Variants in CCDC170 observed in about 807,000 individuals in gnomAD.
The protein encoded by CCDC170 is coiled-coil domain-containing protein 170.
Under a neutral mutation model 72.6 loss-of-function variants are expected in CCDC170, and 69 were observed. The observed-to-expected ratio is 0.95, with a 90% CI of 0.78 to 1.16. The LOEUF (loss-of-function observed/expected upper bound fraction) is 1.16, where lower values mean the gene tolerates loss of function less well. Among genes scored for constraint, CCDC170 ranks in the 50% most tolerant of loss-of-function variants. The pLI is 0.00. For missense variants in CCDC170, 852 were observed against 832.5 expected (o/e 1.02, Z -0.29); for synonymous variants, 300 against 303.9 (o/e 0.99, Z 0.13).
chr6:151,504,883 C>T (rs1782044148), intron 1 of CCDC170, among the ~76,000 whole-genome samples: 2 of 151,380 alleles, frequency 1.3e-5, no homozygotes. Context: ...CAGAACCCAG[C>T]AAATATCAAG....
intron 8 of CCDC170, 76 bp from the exon 9 acceptor site, chr6:151,596,259 A>G (rs190078705): frequency 1.2e-4 from 170 of 1,443,572 alleles, no homozygotes; most frequent in Admixed American, 6.8e-4. Context: ...ATAGAGATCA[A>G]CATTATCTGG....
chr6:151,592,332 C>T (rs1776553955), intron 7 of CCDC170, among the ~76,000 whole-genome samples: 1 of 151,998 alleles, frequency 6.6e-6, no homozygotes. Flanking sequence ...TGTACTCCAG[C>T]CTGGGTGACA....
chr6:151,615,344 G>A, intron 9 of CCDC170, 99 bp from the exon 10 acceptor site: 2 of 824,086 alleles, frequency 2.4e-6, no homozygotes, highest in South Asian at 1.6e-5. Context: ...TTCATAAAAA[G>A]GGTATGAAGT....
intron 5 of CCDC170, among the ~76,000 whole-genome samples, chr6:151,557,042 G>A (rs1489243302): frequency 6.6e-6 from 1 of 152,012 alleles, no homozygotes; most frequent in Non-Finnish European, 1.5e-5. Flanking sequence ...TTCCATCCAT[G>A]TTCCTGCAAA....
chr6:151,572,984 C>G (rs1776245624), intron 5 of CCDC170, among the ~76,000 whole-genome samples, 190 bp from the exon 6 acceptor site: 1 of 151,972 alleles, frequency 6.6e-6, no homozygotes, highest in South Asian at 2.1e-4. Flanking sequence ...CTAAATTTTC[C>G]TGACATACCA....
intron 7 of CCDC170, among the ~76,000 whole-genome samples, chr6:151,590,453 T>C (rs1490002990): frequency 1.3e-5 from 2 of 152,224 alleles, no homozygotes; most frequent in Admixed American, 6.5e-5. Context: ...AAGCTAACTC[T>C]GTCCGTCGTG....
rs1322447460 is a variant in CCDC170 at position 151,618,665 on chromosome 6, A to G, written c.*518A>G. ...AATCTGTTTCTCCTGAATCTCTGTG[A>G]TGCTGGTGGGAATTGTTTGCATAGA... On this transcript the variant is annotated 3_prime_UTR_variant, in exon 11 of 11. Coordinates refer to ENST00000239374, the MANE Select transcript of CCDC170 (RefSeq NM_025059.4). 1 of 159,040 alleles carries G rather than the reference A, an allele frequency of 6.3e-6. No individual in the cohort carries two copies. The highest frequency in any genetic ancestry group is 1.9e-4 in the East Asian group (1 of 5,394). The allele number at this position is 159,040 out of a possible 1,614,324, so 9.9% of individuals were successfully genotyped here. A position where few individuals can be genotyped will look rare whatever the true frequency, so the allele number is the denominator to read the frequency against.
At chr6:151,575,525 C>CTTTTTTTTTTTTTTTTT (rs869185539) in intron 6 of CCDC170, among the ~76,000 whole-genome samples, 12 of 79,664 alleles carry the variant, frequency 1.5e-4, no homozygotes, top group South Asian at 6.0e-4. Flanking sequence ...TCTTTTCTTT[C>CTTTTTTTTTTTTTTTTT]TTTTTTTTTT....
At chr6:151,561,613 T>G (rs1310154905) in intron 5 of CCDC170, among the ~76,000 whole-genome samples, 1 of 152,136 alleles carries the variant, frequency 6.6e-6, no homozygotes, top group Admixed American at 6.5e-5. Flanking sequence ...CTCTAGGTAA[T>G]TTGGCCCTTT....
intron 1 of CCDC170, among the ~76,000 whole-genome samples, chr6:151,524,956 G>A (rs1167820281): frequency 5.5e-5 from 7 of 127,148 alleles, no homozygotes; most frequent in South Asian, 2.4e-4. Flanking sequence ...TTTTTGAGAC[G>A]GAGTCTCACT....
chr6:151,512,055 G>A (rs1327048792), intron 1 of CCDC170, among the ~76,000 whole-genome samples: 2 of 152,000 alleles, frequency 1.3e-5, no homozygotes, highest in African/African-American at 2.4e-5. Context: ...ATGTTGCCCA[G>A]GCTAGTCTCA....
At chr6:151,538,011 GTT>G (rs35795489) in intron 2 of CCDC170, 32 bp from the exon 3 acceptor site, 2,100 of 1,365,752 alleles carry the variant, frequency 1.5e-3, no homozygotes, top group African/African-American at 4.5e-3. Flanking sequence ...TGTTGTTAAG[GTT>G]TTTTTTTTTT....
chr6:151,532,401 G>A (rs1782503109), intron 1 of CCDC170, among the ~76,000 whole-genome samples: 1 of 152,148 alleles, frequency 6.6e-6, no homozygotes, highest in South Asian at 2.1e-4. Context: ...GAGGTCAGGA[G>A]TTCGAGACCA....
At chr6:151,585,426 C>G (rs1270305581) in intron 6 of CCDC170, among the ~76,000 whole-genome samples, 1 of 152,214 alleles carries the variant, frequency 6.6e-6, no homozygotes, top group Non-Finnish European at 1.5e-5. Context: ...AAGCATATAT[C>G]TGTACATGAA....
At chr6:151,616,921 C>T (rs1008687953) in intron 10 of CCDC170, among the ~76,000 whole-genome samples, 1 of 152,190 alleles carries the variant, frequency 6.6e-6, no homozygotes, top group African/African-American at 2.4e-5. Flanking sequence ...AAGGCCCCAC[C>T]TCCTAATAGC....
chr6:151,554,747 A>G (rs1341156353), intron 5 of CCDC170, among the ~76,000 whole-genome samples: 7 of 152,070 alleles, frequency 4.6e-5, no homozygotes, highest in African/African-American at 1.7e-4. Context: ...AGCAAGACAG[A>G]GAGACACTGC....
In CCDC170 at chr6:151,596,367, A is replaced by G. The variant is rs747684561; in HGVS notation, c.1500A>G (p.Lys500=). ...LKTQKERLES[K]ELHMSLLRQK... Reference sequence around the variant, plus strand: ...CACAGAAAGAGAGACTGGAGAGCAAAGAATTACACATGAGCCTCCTCCGGC... The same window carrying G: ...CACAGAAAGAGAGACTGGAGAGCAAGGAATTACACATGAGCCTCCTCCGGC... Residue 500 remains lysine, a synonymous_variant, in exon 9 of 11, where the codon AAA becomes AAG. Transcript: ENST00000239374. 3 of 1,613,966 alleles carry G rather than the reference A, an allele frequency of 1.9e-6. No homozygotes were observed. In the East Asian group the frequency reaches 6.7e-5, roughly 36 times the overall value.
At chr6:151,596,674 G>A in intron 9 of CCDC170, 97 bp downstream of exon 9, 1 of 1,483,120 alleles carries the variant, frequency 6.7e-7, no homozygotes, top group Admixed American at 2.4e-5. Context: ...GCCAGAAGAA[G>A]AAAGATGAAA....
chr6:151,537,409 A>G (rs1378333806), intron 2 of CCDC170, among the ~76,000 whole-genome samples: 3 of 152,232 alleles, frequency 2.0e-5, no homozygotes, highest in Non-Finnish European at 4.4e-5. Flanking sequence ...ACTTTTTCTC[A>G]TAGGGTAGAT....
Sources: gnomAD v4.1 joint callset for allele counts (sites outside exome capture counted in the v4.1 genomes callset) on GRCh38, gnomAD v4.1.1 for gene constraint, MANE v1.5 for transcripts, NCBI Gene and HGNC (gene_info 2026-07-23, HGNC 2026-07-21) for gene names.